RPH3AL: variants seen among roughly 807,000 people sequenced by gnomAD.
RPH3AL encodes rabphilin 3A like (without C2 domains), also known as rab effector Noc2.
RPH3AL carries 38 observed loss-of-function variants against 43.1 expected under a neutral mutation model. The observed-to-expected ratio is 0.88, with a 90% CI of 0.68 to 1.15. The LOEUF (loss-of-function observed/expected upper bound fraction) is 1.15. RPH3AL is among the 50% of genes most tolerant of loss of function. The probability of loss-of-function intolerance (pLI) is 0.00; values close to 1 mark genes in which losing one functional copy is unlikely to be tolerated. For synonymous variants in RPH3AL, 189 were observed against 176.3 expected, an observed-to-expected ratio of 1.07 and a Z score of -0.57; for missense variants, 462 against 423.2, an observed-to-expected ratio of 1.09 and a Z score of -0.81.
At chr17:313,907 G>C (rs1339283421) in intron 5 of RPH3AL, among the ~76,000 whole-genome samples, 1 of 152,180 alleles carries the variant, frequency 6.6e-6, no homozygotes, top group South Asian at 2.1e-4. Flanking sequence ...CCTCAATCCT[G>C]GAACAAGCCC....
intron 6 of RPH3AL, among the ~76,000 whole-genome samples, chr17:275,474 T>G (rs2042632148): frequency 6.6e-6 from 1 of 151,998 alleles, no homozygotes; most frequent in African/African-American, 2.4e-5. Context: ...GAACTAAGCA[T>G]GGGGACGTCT....
intron 5 of RPH3AL, among the ~76,000 whole-genome samples, chr17:315,269 TG>T (rs2043941532): frequency 6.7e-6 from 1 of 150,016 alleles, no homozygotes; most frequent in South Asian, 2.1e-4. Flanking sequence ...CCACCTCCAT[TG>T]ACCTGTAGTC....
intron 1 of RPH3AL, among the ~76,000 whole-genome samples, chr17:347,359 C>T (rs2045257597): frequency 6.6e-6 from 1 of 152,162 alleles, no homozygotes; most frequent in Non-Finnish European, 1.5e-5. Context: ...ACAGGGAACC[C>T]TCAAGCACTG....
At position 323,972 on chromosome 17, in the gene RPH3AL, T is replaced by C. The variant is rs1194402362; in HGVS notation, c.78-2557A>G. On this transcript the variant is annotated intron_variant, in intron 3 of 9. Transcript: ENST00000331302. This position sits in a 1 kb window ranked among gnomAD's most constrained non-coding sequence, Gnocchi z 4.4. ...AGGCAGGCCTGGACCCTCACAGTCA[T>C]CCCACAAGGCAGGCCTAGACCCTCA... Among the ~76,000 whole-genome samples, 2 of 144,564 alleles carry C rather than the reference T, an allele frequency of 1.4e-5. No individual in the cohort carries two copies. Among genetic ancestry groups the C allele is most frequent in the South Asian group, 4.4e-4 (2 of 4,504 alleles). The allele number at this position is 144,564 out of a possible 152,430, so 94.8% of individuals were successfully genotyped here.
In RPH3AL at chr17:333,738, T is replaced by C. The variant is rs1339339573; in HGVS notation, c.-37+21A>G. On this transcript the variant is annotated intron_variant, in intron 2 of 9. Coordinates refer to ENST00000331302, the MANE Select transcript of RPH3AL (RefSeq NM_006987.4). The surrounding 1 kb of genome is among the most constrained non-coding windows in gnomAD (Gnocchi z 4.5). ...CAAAAGGGAAATGAAGTGCATTTTT[T>C]CAGTGTATTTTTTGAGATACCTTTT... is the stretch of plus-strand genomic sequence containing the variant. The C allele has an allele frequency of 1.7e-5, 3 of 174,580 alleles. No homozygotes were observed. Among genetic ancestry groups the C allele is most frequent in the Non-Finnish European group, 2.5e-5 (2 of 79,488 alleles). The allele number at this position is 174,580 out of a possible 1,614,324, so 10.8% of individuals were successfully genotyped here.
rs2044513719 is a variant in RPH3AL, at chr17:322,710, G to A, written c.78-1295C>T. The stretch of plus-strand genomic sequence containing the variant: ...GAGGGAGGCGGACCCTTTCCTGGGG[G>A]CCCCCTGACACAAGATGGGCCCCGG... On this transcript the variant is annotated intron_variant, in intron 3 of 9. Transcript: ENST00000331302. This position sits in a 1 kb window ranked among gnomAD's most constrained non-coding sequence, Gnocchi z 4.0. Among the ~76,000 whole-genome samples the A allele has an allele frequency of 6.6e-6, 1 of 152,106 alleles. No individual in the cohort carries two copies. Among genetic ancestry groups the A allele is most frequent in the South Asian group, 2.1e-4 (1 of 4,810 alleles).
intron 5 of RPH3AL, among the ~76,000 whole-genome samples, chr17:311,096 C>T (rs2043635248): frequency 6.6e-6 from 1 of 152,238 alleles, no homozygotes; most frequent in Non-Finnish European, 1.5e-5. Flanking sequence ...ATTCACTGCT[C>T]AAATGCAGCT....
At chr17:253,914 C>T (rs1555543724) in intron 6 of RPH3AL, among the ~76,000 whole-genome samples, 1 of 27,150 alleles carries the variant, frequency 3.7e-5, no homozygotes, top group African/African-American at 1.7e-4. Context: ...GGGAGCCGCA[C>T]GGCGTCTGTC....
chr17:251,112 G>A (rs542456278), intron 6 of RPH3AL, among the ~76,000 whole-genome samples: 32 of 152,328 alleles, frequency 2.1e-4, no homozygotes, highest in African/African-American at 6.7e-4. Flanking sequence ...GGACTGCCAC[G>A]TCCAGACTAG....
Position 323,134 on chromosome 17 carries a change from C to T in RPH3AL, c.78-1719G>A, listed in dbSNP as rs994454091. Among the ~76,000 whole-genome samples, 1 of 151,976 alleles carries T rather than the reference C, an allele frequency of 6.6e-6. No individual in the cohort carries two copies. The highest frequency in any genetic ancestry group is 2.4e-5 in the African/African-American group (1 of 41,366). On this transcript the variant is annotated intron_variant, in intron 3 of 9. Coordinates refer to ENST00000331302, the MANE Select transcript of RPH3AL (RefSeq NM_006987.4). This position sits in a 1 kb window ranked among gnomAD's most constrained non-coding sequence, Gnocchi z 4.4. ...CATGTGTGAGCTTTTGCAGGATGAA[C>T]AGGTGCTTCCCCATGGAAGGAGGGA... is the stretch of plus-strand genomic sequence containing the variant.
Position 308,577 on chromosome 17 carries a change from A to G in RPH3AL, c.351+10843T>C, listed in dbSNP as rs566468398. Among the ~76,000 whole-genome samples the G allele has an allele frequency of 1.2e-4, 18 of 152,354 alleles. No homozygotes were observed. The East Asian group carries it at 3.3e-3, about 28-fold the overall frequency. ...ATCCATCACAGGTGAGTGGATACAC[A>G]AAGTGGGGTATGCACATACAGTGAA... On this transcript the variant is annotated intron_variant, in intron 5 of 9. Transcript: ENST00000331302.
intron 5 of RPH3AL, among the ~76,000 whole-genome samples, chr17:296,929 A>C (rs1466054987): frequency 6.6e-6 from 1 of 152,084 alleles, no homozygotes; most frequent in Non-Finnish European, 1.5e-5. Context: ...TCAAGCATCC[A>C]AGGGGACAAG....
At chr17:314,006 T>C (rs963630320) in intron 5 of RPH3AL, among the ~76,000 whole-genome samples, 1 of 152,096 alleles carries the variant, frequency 6.6e-6, no homozygotes, top group African/African-American at 2.4e-5. Context: ...AAGAACCATC[T>C]GCAACAGAAA....
At chr17:321,546 C>T (rs757134898) in intron 3 of RPH3AL, 131 bp from the exon 4 acceptor site, 342 of 1,051,464 alleles carry the variant, frequency 3.3e-4, no homozygotes, top group Middle Eastern at 2.2e-3. Context: ...GGACGACGAG[C>T]GCGGGCAGCA....
At chr17:321,900 C>G (rs932715492) in intron 3 of RPH3AL, among the ~76,000 whole-genome samples, 1 of 152,166 alleles carries the variant, frequency 6.6e-6, no homozygotes, top group African/African-American at 2.4e-5. Flanking sequence ...AGGCCAAGGT[C>G]ACAGCACGAG....
chr17:218,779 GC>G (rs2040877457), intron 8 of RPH3AL, among the ~76,000 whole-genome samples: 1 of 152,196 alleles, frequency 6.6e-6, no homozygotes, highest in African/African-American at 2.4e-5. Context: ...CGCTTTGGAG[GC>G]CACCCGTTCT....
chr17:281,664 G>GACCGCCCCGCCCCC, intron 6 of RPH3AL, 104 bp downstream of exon 6: 1 of 574,676 alleles, frequency 1.7e-6, no homozygotes, highest in South Asian at 2.1e-5. Flanking sequence ...AGCGTATCCA[G>GACCGCCCCGCCCCC]CCCGCCCAGC....
chr17:318,165 C>T (rs1307732911), intron 5 of RPH3AL, among the ~76,000 whole-genome samples: 6 of 152,028 alleles, frequency 3.9e-5, no homozygotes, highest in Admixed American at 1.3e-4. Flanking sequence ...GGCGGATCAC[C>T]TGAGGTCAGG....
intron 5 of RPH3AL, among the ~76,000 whole-genome samples, chr17:299,948 G>C (rs530842338): frequency 6.6e-6 from 1 of 152,352 alleles, no homozygotes; most frequent in South Asian, 2.1e-4. Context: ...CAGTGTCCCA[G>C]GTACCCCAGC....
Sources: gnomAD v4.1 joint callset for allele counts (sites outside exome capture counted in the v4.1 genomes callset) on GRCh38, gnomAD v4.1.1 for gene constraint, Gnocchi (gnomAD v3.1) non-coding constraint, MANE v1.5 for transcripts, NCBI Gene and HGNC (gene_info 2026-07-23, HGNC 2026-07-21) for gene names.